DSC2: variants seen among roughly 807,000 people sequenced by gnomAD.
DSC2 encodes desmocollin 2, also known as desmocollin-2.
In DSC2, 51 loss-of-function variants were observed where a neutral mutation model predicts 87.6. The observed-to-expected ratio is 0.58, with a 90% confidence interval of 0.46 to 0.74. The LOEUF is 0.74. Ranked by LOEUF, DSC2 falls within the 30% of genes least tolerant of loss-of-function variation. The pLI is 0.00. For missense variants in DSC2, 1,066 were observed against 1,089.5 expected (o/e 0.98, Z 0.30); for synonymous variants, 383 against 393.2 (o/e 0.97, Z 0.31).
At position 31,067,729 on chromosome 18, in the gene DSC2, T is replaced by G. The variant is rs1272615619; in HGVS notation, c.*286A>C. On this transcript the variant is annotated 3_prime_UTR_variant, in exon 16 of 16. Transcript: ENST00000280904. ...AATTACATTTTATTGCACTATAAATTGGCTGTTGTCATTATACCCAAATGT... is the reference window on the plus strand; with the variant it reads ...AATTACATTTTATTGCACTATAAATGGGCTGTTGTCATTATACCCAAATGT... 2 of 359,046 alleles carry G rather than the reference T, an allele frequency of 5.6e-6. No homozygotes were observed. The highest frequency in any genetic ancestry group is 1.2e-4 in the East Asian group (2 of 16,100). The allele number at this position is 359,046 out of a possible 1,614,324, so 22.2% of individuals were successfully genotyped here.
At position 31,069,225 on chromosome 18, in the gene DSC2, C is replaced by T. The variant is rs77151420; in HGVS notation, c.2251-74G>A. The T allele has an allele frequency of 6.8e-4, 1,072 of 1,577,488 alleles. 12 individuals carry two copies. The East Asian group carries it at 0.013, about 20-fold the overall frequency. On this transcript the variant is annotated intron_variant, in intron 14 of 15. Coordinates refer to ENST00000280904, the MANE Select transcript of DSC2 (RefSeq NM_024422.6). ...AATTATGAAAAAGAACAACATCAAG[C>T]GGATAATGCCTTTTTTTGTGTGTAT...
In DSC2 at chr18:31,079,843, T is replaced by C. The variant is rs369849387; in HGVS notation, c.1663+4A>G. On this transcript the variant is annotated splice_donor_region_variant and intron_variant, in intron 11 of 15. Coordinates refer to ENST00000280904, the MANE Select transcript of DSC2 (RefSeq NM_024422.6). ...ATGTAGCTGGCTTAAAGACAAATTC[T>C]TACCTTGGTCTGATGCAAGGACTGT... 2.0e-5 allele frequency: 32 copies of C among 1,613,766 alleles called. No individual in the cohort carries two copies. Among genetic ancestry groups the C allele is most frequent in the Non-Finnish European group, 2.4e-5 (28 of 1,179,904 alleles).
At chr18:31,068,282 T>A (rs1986698455) in intron 15 of DSC2, 70 bp from the exon 16 acceptor site, 2 of 1,612,842 alleles carry the variant, frequency 1.2e-6, no homozygotes, top group African/African-American at 1.3e-5. Flanking sequence ...AACATAAAAG[T>A]AATTGCTTTG....
Position 31,070,707 on chromosome 18 carries a change from A to G in DSC2, c.2250+19T>C. On this transcript the variant is annotated intron_variant, in intron 14 of 15. Coordinates refer to ENST00000280904, the MANE Select transcript of DSC2 (RefSeq NM_024422.6). ...GCGAATTCATCCTTTGTATTTATTT[A>G]AAAAGCCAGACTACTTACCACTTTG... The G allele has an allele frequency of 6.2e-7, 1 of 1,613,272 alleles. No homozygotes were observed. The highest frequency in any genetic ancestry group is 1.3e-5 in the African/African-American group (1 of 75,012).
At position 31,102,269 on chromosome 18, in the gene DSC2, G is replaced by A. The variant is rs149977713; in HGVS notation, c.-298C>T. 5.8e-3 allele frequency: 1,931 copies of A among 331,178 alleles called. 45 individuals are homozygous for A. Among genetic ancestry groups the A allele is most frequent in the African/African-American group, 0.038 (1,775 of 46,832 alleles). 20.5% of individuals were successfully genotyped at this position (331,178 alleles called of 1,614,324 possible). A position where few individuals can be genotyped will look rare whatever the true frequency, so the allele number is the denominator to read the frequency against. On this transcript the variant is annotated 5_prime_UTR_variant, in exon 1 of 16. Transcript: ENST00000280904. ...CTTCATTTCTCTAAGAAAGCCACGG[G>A]TGGGAACTCCCTCTCGCCGCCACCC... is the stretch of plus-strand genomic sequence containing the variant.
rs571070943 is a variant in DSC2, at chr18:31,101,292, C to A, written c.69+611G>T. The stretch of plus-strand genomic sequence containing the variant: ...CCCTCCCCCACCCGCCACTTCCCCC[C>A]GCCCTTCTCTCAGAGTAAACAATTC... On this transcript the variant is annotated intron_variant, in intron 1 of 15. Transcript: ENST00000280904. 109 of 981,300 alleles carry A rather than the reference C, an allele frequency of 1.1e-4. 1 individual carries two copies. In the South Asian group the frequency reaches 4.2e-3, roughly 37 times the overall value. The allele number at this position is 981,300 out of a possible 1,614,324, so 60.8% of individuals were successfully genotyped here. A position where few individuals can be genotyped will look rare whatever the true frequency, so the allele number is the denominator to read the frequency against.
chr18:31,067,933 T>C lies in DSC2; in HGVS notation c.*82A>G. On this transcript the variant is annotated 3_prime_UTR_variant, in exon 16 of 16. Coordinates refer to ENST00000280904, the MANE Select transcript of DSC2 (RefSeq NM_024422.6). The stretch of plus-strand genomic sequence containing the variant: ...GAGAAAAACCCCCACAAATAGCATC[T>C]TCTGCTTTAAAAAATTCTTGGTTTG... 7.5e-7 allele frequency: 1 copy of C among 1,326,726 alleles called. No homozygotes were observed. The highest frequency in any genetic ancestry group is 2.0e-4 in the Middle Eastern group (1 of 5,032). 82.2% of individuals were successfully genotyped at this position (1,326,726 alleles called of 1,614,324 possible).
chr18:31,094,477 A>C (rs967758419), intron 1 of DSC2, among the ~76,000 whole-genome samples: 8 of 152,212 alleles, frequency 5.3e-5, no homozygotes, highest in African/African-American at 1.9e-4. Flanking sequence ...AACCAAGTCC[A>C]ATGCAACATA....
At chr18:31,071,242 T>A (rs1293440294) in intron 13 of DSC2, among the ~76,000 whole-genome samples, 2 of 152,088 alleles carry the variant, frequency 1.3e-5, no homozygotes, top group Non-Finnish European at 2.9e-5. Context: ...ATAGCACTGA[T>A]TCTTAGAATG....
chr18:31,081,352 A>C (rs887505843), intron 9 of DSC2, among the ~76,000 whole-genome samples: 1 of 152,172 alleles, frequency 6.6e-6, no homozygotes. Context: ...TGTAGTTGTA[A>C]TGAGAATTAG....
At position 31,087,714 on chromosome 18, in the gene DSC2, TA is replaced by T. The variant is rs2144833653; in HGVS notation, c.729del (p.Phe243LeufsTer38). The T allele has an allele frequency of 6.2e-7, 1 of 1,613,730 alleles. No homozygotes were observed. The highest frequency in any genetic ancestry group is 1.1e-5 in the South Asian group (1 of 91,066). On this transcript the variant is annotated frameshift_variant, in exon 6 of 16. Transcript: ENST00000280904. LOFTEE classifies it high-confidence loss of function. Reference sequence around the variant, plus strand: ...ATTGTAAAAGTATAAGTTTCTTCTGTAAAAATTGGGTAGTTATCATTTTCAT... The same window carrying T: ...ATTGTAAAAGTATAAGTTTCTTCTGTAAAATTGGGTAGTTATCATTTTCAT... Reference protein sequence around the residue: ...IEDENDNYPIFTEETYTFTIF... With the variant: ...IEDENDNYPIXTEETYTFTIF...
In DSC2 at chr18:31,083,026, T is replaced by G. The variant is rs397517409; in HGVS notation, c.977A>C (p.Gln326Pro). The G allele has an allele frequency of 1.6e-5, 26 of 1,612,928 alleles. No homozygotes were observed. Among genetic ancestry groups the G allele is most frequent in the Non-Finnish European group, 2.2e-5 (26 of 1,179,754 alleles). ...ACCAAAATACTGACCATCCATGTCT[T>G]GTACTTTTATTTTCAACTGGTACTT... ...IDKYQLKIKV[Q>P]DMDGQYFGLQ... The change falls in exon 8 of 16, where the codon CAA becomes CCA. Residue 326 changes from glutamine to proline, a missense_variant. By Grantham distance (76) the Gln-to-Pro change is moderately conservative (BLOSUM62 -1). Transcript: ENST00000280904.
intron 11 of DSC2, among the ~76,000 whole-genome samples, chr18:31,075,267 G>T (rs566133965): frequency 6.6e-6 from 1 of 152,156 alleles, no homozygotes; most frequent in South Asian, 2.1e-4. Context: ...ACACACCCGT[G>T]ATCTGGAGAC....
intron 15 of DSC2, among the ~76,000 whole-genome samples, chr18:31,068,616 T>A (rs1186555255): frequency 6.6e-6 from 1 of 152,144 alleles, no homozygotes; most frequent in African/African-American, 2.4e-5. Flanking sequence ...AAGGTACAAG[T>A]TGTCAGATGG....
At chr18:31,081,723 G>A (rs1309257139) in intron 9 of DSC2, among the ~76,000 whole-genome samples, 2 of 152,336 alleles carry the variant, frequency 1.3e-5, no homozygotes, top group African/African-American at 4.8e-5. Context: ...TCTGGCTGCT[G>A]AAATAGTATT....
At chr18:31,079,779 G>A (rs1351668701) in intron 11 of DSC2, 68 bp downstream of exon 11, 1 of 1,577,630 alleles carries the variant, frequency 6.3e-7, no homozygotes, top group African/African-American at 1.3e-5. Context: ...AATGTATACT[G>A]TTGGCTTAAA....
At position 31,061,500 on chromosome 18, in the gene DSC2, C is replaced by T. The variant is rs1986500681; in HGVS notation, c.*6515G>A. The T allele has an allele frequency of 6.6e-6, 1 of 152,118 alleles. No individual in the cohort carries two copies. Among genetic ancestry groups the T allele is most frequent in the African/African-American group, 2.4e-5 (1 of 41,428 alleles). The allele number at this position is 152,118 out of a possible 1,614,324, so 9.4% of individuals were successfully genotyped here. ...ACGTATACCTAGAATTTAGGATATA[C>T]CAAATGGCTTGAGAAGAATATGCTC... On this transcript the variant is annotated 3_prime_UTR_variant, in exon 16 of 16. Transcript: ENST00000280904.
intron 11 of DSC2, among the ~76,000 whole-genome samples, chr18:31,076,867 C>T (rs1987033923): frequency 6.6e-6 from 1 of 152,194 alleles, no homozygotes; most frequent in East Asian, 1.9e-4. Context: ...AAAGGACAAT[C>T]GTTAATCGAC....
At position 31,089,546 on chromosome 18, in the gene DSC2, C is replaced by T; in HGVS notation, c.523G>A (p.Gly175Ser). The T allele has an allele frequency of 6.2e-7, 1 of 1,613,950 alleles. No individual in the cohort carries two copies. The highest frequency in any genetic ancestry group is 2.2e-5 in the East Asian group (1 of 44,840). ...QNYTIYYSIRGPGVDQEPRNL... is the reference protein window; with the variant it reads ...QNYTIYYSIRSPGVDQEPRNL... ...CGAGGTTCTTGGTCAACTCCAGGAC[C>T]TCTTATGGAATAGTATATGGTATAG... Residue 175 changes from glycine to serine, a missense_variant, in exon 5 of 16, where the codon GGT becomes AGT. Physicochemically the swap from Gly to Ser is moderately conservative, Grantham distance 56. Transcript: ENST00000280904.
Sources: allele counts gnomAD v4.1 joint callset (sites outside exome capture counted in the v4.1 genomes callset), GRCh38; gene constraint gnomAD v4.1.1; transcripts MANE v1.5; gene names NCBI Gene and HGNC (gene_info 2026-07-23, HGNC 2026-07-21).